The following HYDIN variants were observed in gnomAD, a reference collection of about 807,000 sequenced individuals.
The protein encoded by HYDIN is axonemal central pair apparatus protein HYDIN.
HYDIN carries 132 observed loss-of-function variants against 403.9 expected under a neutral mutation model. That is an observed-to-expected ratio of 0.33 (90% CI 0.28 to 0.38). The LOEUF is 0.38. Among genes scored for constraint, HYDIN ranks in the 10% least tolerant of loss-of-function variants. HYDIN has a pLI of 1.00. For missense variants in HYDIN, 2,827 were observed against 5,009.5 expected, an observed-to-expected ratio of 0.56 and a Z score of 13.15; for synonymous variants, 1,202 against 1,891.7, an observed-to-expected ratio of 0.64 and a Z score of 9.46.
intron 41 of HYDIN, among the ~76,000 whole-genome samples, chr16:70,949,792 T>C (rs1424399236): frequency 6.6e-6 from 1 of 152,264 alleles, no homozygotes; most frequent in Non-Finnish European, 1.5e-5. Flanking sequence ...ATTTCTACTG[T>C]GATCTGTAGG....
At chr16:70,826,056 CAT>C (rs2143485658) in intron 83 of HYDIN, among the ~76,000 whole-genome samples, 1 of 88,504 alleles carries the variant, frequency 1.1e-5, no homozygotes, top group South Asian at 4.4e-4. Flanking sequence ...TTTGTGTGCA[CAT>C]ATGTTTTCAT....
chr16:71,212,019 A>G (rs1418358353), intron 1 of HYDIN, among the ~76,000 whole-genome samples: 1 of 152,188 alleles, frequency 6.6e-6, no homozygotes, highest in Non-Finnish European at 1.5e-5. Flanking sequence ...AAAATCAACA[A>G]CAATCAAAAA....
intron 75 of HYDIN, among the ~76,000 whole-genome samples, chr16:70,847,531 C>T (rs2143568397): frequency 6.6e-6 from 1 of 151,978 alleles, no homozygotes; most frequent in East Asian, 1.9e-4. Flanking sequence ...CTGGTTTATC[C>T]TTCATTTTTA....
intron 69 of HYDIN, among the ~76,000 whole-genome samples, chr16:70,861,763 T>C (rs2039430347): frequency 1.4e-5 from 1 of 71,422 alleles, no homozygotes; most frequent in South Asian, 5.5e-4. Context: ...CCCACCTGGC[T>C]ATCACCAGTC....
intron 55 of HYDIN, chr16:70,893,677 C>A (rs780650598): frequency 1.3e-5 from 2 of 151,868 alleles, no homozygotes; most frequent in African/African-American, 2.4e-5. Context: ...ATGACCACCA[C>A]GCCTAGCTAA....
chr16:71,126,553 T>A (rs2084468187), intron 9 of HYDIN, among the ~76,000 whole-genome samples: 1 of 152,192 alleles, frequency 6.6e-6, no homozygotes, highest in Admixed American at 6.5e-5. Context: ...AAGGTCCACG[T>A]GGTCCAAGTC....
At chr16:71,202,738 A>G (rs1366959351) in intron 1 of HYDIN, among the ~76,000 whole-genome samples, 1 of 152,180 alleles carries the variant, frequency 6.6e-6, no homozygotes, top group Non-Finnish European at 1.5e-5. Flanking sequence ...CTTGGATTCA[A>G]GTTTGTGTTT....
intron 45 of HYDIN, among the ~76,000 whole-genome samples, chr16:70,923,858 GA>G: frequency 6.9e-6 from 1 of 144,254 alleles, no homozygotes; most frequent in Non-Finnish European, 1.5e-5. Flanking sequence ...TAATGAAACA[GA>G]AAACATAAAA....
intron 65 of HYDIN, among the ~76,000 whole-genome samples, chr16:70,871,118 T>C (rs1000645751): frequency 2.6e-5 from 4 of 151,940 alleles, no homozygotes; most frequent in Non-Finnish European, 2.9e-5. Flanking sequence ...TTTTGGCATA[T>C]AGTAAGCACT....
intron 73 of HYDIN, among the ~76,000 whole-genome samples, chr16:70,854,059 T>C (rs376101203): frequency 4.6e-5 from 7 of 151,120 alleles, no homozygotes; most frequent in African/African-American, 1.7e-4. Flanking sequence ...TTTGTAGTTT[T>C]AGTAGAGACG....
chr16:70,809,628 G>A (rs1056697171), intron 85 of HYDIN, among the ~76,000 whole-genome samples, 155 bp downstream of exon 85: 8 of 152,180 alleles, frequency 5.3e-5, no homozygotes, highest in African/African-American at 1.9e-4. Flanking sequence ...GAGTTTCCAG[G>A]CTAGATTCAG....
chr16:71,189,552 G>A (rs1002912367), intron 1 of HYDIN, among the ~76,000 whole-genome samples: 3 of 151,998 alleles, frequency 2.0e-5, no homozygotes, highest in Admixed American at 6.6e-5. Context: ...CGGATCACGC[G>A]GTCAGGAGAT....
chr16:70,995,273 C>G (rs1029660162), intron 23 of HYDIN, among the ~76,000 whole-genome samples: 7 of 152,126 alleles, frequency 4.6e-5, no homozygotes, highest in Non-Finnish European at 1.0e-4. Context: ...GGTATGCTGA[C>G]CCAAACAGGA....
chr16:71,161,445 G>GC (rs2085998276), intron 6 of HYDIN, among the ~76,000 whole-genome samples: 1 of 152,174 alleles, frequency 6.6e-6, no homozygotes, highest in Non-Finnish European at 1.5e-5. Context: ...GCTTTATACT[G>GC]TCCCATGGTG....
chr16:71,012,293 C>A (rs2080113650), intron 23 of HYDIN, among the ~76,000 whole-genome samples: 2 of 152,272 alleles, frequency 1.3e-5, no homozygotes, highest in South Asian at 4.1e-4. Context: ...CCAGCCCCGG[C>A]ACTTCCTGCC....
intron 1 of HYDIN, among the ~76,000 whole-genome samples, chr16:71,225,750 A>G (rs754218218): frequency 6.6e-6 from 1 of 152,236 alleles, no homozygotes; most frequent in Non-Finnish European, 1.5e-5. Context: ...ATGAGGTTTA[A>G]CATTTGATTG....
chr16:71,114,524 A>G (rs910783071), intron 10 of HYDIN, among the ~76,000 whole-genome samples: 4 of 152,070 alleles, frequency 2.6e-5, no homozygotes, highest in African/African-American at 9.7e-5. Flanking sequence ...AGTGGCATTT[A>G]GAAACCAAGC....
chr16:71,107,506 G>A (rs1401402968), intron 10 of HYDIN, among the ~76,000 whole-genome samples: 1 of 150,480 alleles, frequency 6.6e-6, no homozygotes, highest in Non-Finnish European at 1.5e-5. Flanking sequence ...TTAAAAAGTC[G>A]GCAAAAAAAT....
chr16:71,075,107 G>C (rs535444889), intron 13 of HYDIN, among the ~76,000 whole-genome samples: 1 of 148,470 alleles, frequency 6.7e-6, no homozygotes, highest in Non-Finnish European at 1.5e-5. Context: ...GATAACTTGG[G>C]TTTTGAAGGT....
Sources: allele counts gnomAD v4.1 joint callset (sites outside exome capture counted in the v4.1 genomes callset), GRCh38; gene constraint gnomAD v4.1.1; transcripts MANE v1.5; gene names NCBI Gene and HGNC (gene_info 2026-07-23, HGNC 2026-07-21).